Variants in SOX6 observed in about 807,000 individuals in gnomAD.
The protein encoded by SOX6 is transcription factor SOX-6.
A neutral mutation model predicts 97.8 loss-of-function variants in SOX6; 11 were observed. The observed-to-expected ratio is 0.11, with a 90% CI of 0.07 to 0.19. The LOEUF (loss-of-function observed/expected upper bound fraction) is 0.19, where lower values mean the gene tolerates loss of function less well. Ranked by LOEUF, SOX6 falls within the 10% of genes least tolerant of loss-of-function variation. The pLI, the probability that SOX6 is intolerant of heterozygous loss-of-function variation, is 1.00. For synonymous variants in SOX6, 360 were observed against 371.4 expected (o/e 0.97, Z 0.35); for missense variants, 810 against 1,039.5 (o/e 0.78, Z 3.04).
chr11:16,088,253 G>A (rs1296096286), intron 9 of SOX6, among the ~76,000 whole-genome samples: 1 of 152,074 alleles, frequency 6.6e-6, no homozygotes, highest in African/African-American at 2.4e-5. Flanking sequence ...CCCCACCTGA[G>A]TGGTATATTT....
chr11:16,027,705 G>A (rs941986969), intron 12 of SOX6, among the ~76,000 whole-genome samples: 13 of 152,354 alleles, frequency 8.5e-5, no homozygotes, highest in Admixed American at 1.3e-4. Flanking sequence ...TTGCTGGAAT[G>A]TCTCAAGTCA....
chr11:16,627,884 A>G (rs1214931199), intron 3 of SOX6, among the ~76,000 whole-genome samples: 1 of 152,196 alleles, frequency 6.6e-6, no homozygotes, highest in Non-Finnish European at 1.5e-5. Context: ...GCTGAAGTCC[A>G]GAATGGTGTT....
At chr11:16,278,992 A>T (rs930599424) in intron 3 of SOX6, among the ~76,000 whole-genome samples, 1 of 152,142 alleles carries the variant, frequency 6.6e-6, no homozygotes, top group Admixed American at 6.6e-5. Flanking sequence ...ACTAATGTGA[A>T]ATGAGCAAAA....
intron 4 of SOX6, among the ~76,000 whole-genome samples, chr11:16,487,294 A>G (rs1434118798): frequency 6.6e-6 from 1 of 152,180 alleles, no homozygotes; most frequent in Non-Finnish European, 1.5e-5. Context: ...AAAATCTGAG[A>G]TAAAGATACA....
chr11:16,663,897 A>G (rs1476762545), intron 3 of SOX6, among the ~76,000 whole-genome samples: 2 of 152,214 alleles, frequency 1.3e-5, no homozygotes, highest in Non-Finnish European at 2.9e-5. Context: ...TCATTTTAAT[A>G]TGCAGCACAT....
At chr11:16,682,043 G>A (rs886401371) in intron 3 of SOX6, among the ~76,000 whole-genome samples, 2 of 152,226 alleles carry the variant, frequency 1.3e-5, no homozygotes, top group African/African-American at 4.8e-5. Flanking sequence ...ACAAAGAGGA[G>A]CTGGTACCAT....
intron 13 of SOX6, among the ~76,000 whole-genome samples, chr11:15,997,733 G>A (rs543380871): frequency 2.0e-4 from 31 of 152,292 alleles, no homozygotes; most frequent in Middle Eastern, 3.4e-3. Flanking sequence ...ATACTTAATA[G>A]TGAACTACCG....
chr11:16,022,099 A>G (rs1475280912), intron 12 of SOX6, among the ~76,000 whole-genome samples: 2 of 152,160 alleles, frequency 1.3e-5, no homozygotes, highest in Non-Finnish European at 2.9e-5. Flanking sequence ...TCATGCCACA[A>G]GGGCTTAATG....
At chr11:16,727,962 C>A (rs79986468) in intron 2 of SOX6, among the ~76,000 whole-genome samples, 2,748 of 152,128 alleles carry the variant, frequency 0.018, 74 homozygotes, top group East Asian at 0.053. Context: ...GACTTTGTGG[C>A]CAGAACAGAA....
chr11:16,312,749 TA>T (rs552477194), intron 3 of SOX6: 153 of 152,318 alleles, frequency 1.0e-3, no homozygotes, highest in African/African-American at 3.4e-3. Flanking sequence ...AAGTCCTTTT[TA>T]AAGTATTCAT....
In SOX6 at chr11:15,986,305, C is replaced by A. The variant is rs552585211; in HGVS notation, c.2082G>T (p.Pro694=). Residue 694 remains proline (P), a synonymous_variant, in exon 15 of 16, where the codon CCG becomes CCT. Coordinates refer to ENST00000683767, the MANE Select transcript of SOX6 (RefSeq NM_001367873.1). ...KYPNYKYKPR[P]KRTCIVDGKK... is the part of the protein sequence containing the mutation. ...TGCCATCAACAATGCAGGTGCGTTT[C>A]GGTCGGGGTTTGTATTTATAGTTTG... 1 of 1,614,080 alleles carries A rather than the reference C, an allele frequency of 6.2e-7. No individual in the cohort carries two copies. Among genetic ancestry groups the A allele is most frequent in the East Asian group, 2.2e-5 (1 of 44,878 alleles).
chr11:16,471,647 T>C (rs1486168886), intron 1 of SOX6, among the ~76,000 whole-genome samples: 1 of 152,210 alleles, frequency 6.6e-6, no homozygotes, highest in Non-Finnish European at 1.5e-5. Context: ...AAGCCTCATC[T>C]TTCAGTCTAA....
chr11:16,146,670 AC>A (rs1283512579), intron 6 of SOX6, among the ~76,000 whole-genome samples: 7 of 152,036 alleles, frequency 4.6e-5, no homozygotes, highest in African/African-American at 1.7e-4. Flanking sequence ...AAAACAAACA[AC>A]CCCATCAAAA....
chr11:16,379,227 G>T (rs1857732602), intron 1 of SOX6, among the ~76,000 whole-genome samples: 1 of 152,168 alleles, frequency 6.6e-6, no homozygotes, highest in Non-Finnish European at 1.5e-5. Flanking sequence ...AACACTTTGG[G>T]AGGCTGAGAC....
At chr11:16,194,898 A>G (rs1851730603) in intron 4 of SOX6, among the ~76,000 whole-genome samples, 1 of 152,222 alleles carries the variant, frequency 6.6e-6, no homozygotes, top group Admixed American at 6.5e-5. Context: ...CTCCTTCAAT[A>G]TAAGACAGAC....
At chr11:16,727,636 C>A (rs987073819) in intron 2 of SOX6, among the ~76,000 whole-genome samples, 4 of 151,316 alleles carry the variant, frequency 2.6e-5, no homozygotes, top group African/African-American at 9.7e-5. Flanking sequence ...TGGGGTTTCA[C>A]CATCTTGGCC....
chr11:16,199,501 C>G (rs1248402020), intron 4 of SOX6, among the ~76,000 whole-genome samples: 5 of 151,974 alleles, frequency 3.3e-5, no homozygotes, highest in Non-Finnish European at 1.5e-5. Flanking sequence ...ATACCCAACC[C>G]CAGCCTCTTT....
intron 1 of SOX6, among the ~76,000 whole-genome samples, chr11:16,385,671 C>T (rs181403962): frequency 1.8e-4 from 27 of 152,134 alleles, no homozygotes; most frequent in Admixed American, 1.8e-3. Flanking sequence ...CTCCTGTGAT[C>T]ACAAGAGACG....
chr11:16,224,722 G>A (rs1315599150), intron 4 of SOX6, among the ~76,000 whole-genome samples: 1 of 151,972 alleles, frequency 6.6e-6, no homozygotes, highest in Non-Finnish European at 1.5e-5. Context: ...GTATGCATTT[G>A]TTGTTAGCAA....
Sources: gnomAD v4.1 joint callset for allele counts (sites outside exome capture counted in the v4.1 genomes callset) on GRCh38, gnomAD v4.1.1 for gene constraint, MANE v1.5 for transcripts, NCBI Gene and HGNC (gene_info 2026-07-23, HGNC 2026-07-21) for gene names.